Variants in DTX4 observed in about 807,000 individuals in gnomAD.
DTX4 encodes the protein deltex E3 ubiquitin ligase 4, also known as E3 ubiquitin-protein ligase DTX4.
Under a neutral mutation model 57.6 loss-of-function variants are expected in DTX4, and 28 were observed. That is an observed-to-expected ratio of 0.49 (90% confidence interval 0.36 to 0.67). The LOEUF is 0.67. Among genes scored for constraint, DTX4 ranks in the 30% least tolerant of loss-of-function variants. The pLI is 0.00. For synonymous variants in DTX4, 316 were observed against 331.0 expected (o/e 0.95, Z 0.49); for missense variants, 715 against 836.8 (o/e 0.85, Z 1.80).
At chr11:59,188,667 G>C in intron 2 of DTX4, 68 bp from the exon 3 acceptor site, 1 of 1,365,792 alleles carries the variant, frequency 7.3e-7, no homozygotes, top group Non-Finnish European at 1.0e-6. Flanking sequence ...CATTTTATTA[G>C]AATTAAATAC....
At chr11:59,203,865 G>T (rs1862769973) in intron 8 of DTX4, among the ~76,000 whole-genome samples, 1 of 152,182 alleles carries the variant, frequency 6.6e-6, no homozygotes, top group Non-Finnish European at 1.5e-5. Flanking sequence ...TCAGGAAATA[G>T]CAGCTCATAT....
chr11:59,199,883 CTG>C, intron 8 of DTX4, 110 bp downstream of exon 8: 1 of 882,980 alleles, frequency 1.1e-6, no homozygotes, highest in Non-Finnish European at 1.8e-6. Context: ...CCAAAGAGAA[CTG>C]TGTCTCTTTT....
At chr11:59,192,003 G>A in intron 5 of DTX4, 95 bp from the exon 6 acceptor site, 2 of 1,401,924 alleles carry the variant, frequency 1.4e-6, no homozygotes, top group Non-Finnish European at 1.9e-6. Flanking sequence ...TAGAAGAGAA[G>A]TGGTAAGAGC....
At chr11:59,186,569 G>A (rs1862531858) in intron 2 of DTX4, among the ~76,000 whole-genome samples, 1 of 152,178 alleles carries the variant, frequency 6.6e-6, no homozygotes, top group Admixed American at 6.5e-5. Context: ...TCAGGGCTTG[G>A]GTGGCCATTT....
At position 59,204,896 on chromosome 11, in the gene DTX4, A is replaced by G; in HGVS notation, c.1847A>G (p.Gln616Arg). ...AQGISEDSTA[Q>R]EKD Reference sequence around the variant, plus strand: ...GGCATCTCTGAGGACAGCACTGCCCAGGAGAAGGACTGAGGCCAGAAAAGC... The same window carrying G: ...GGCATCTCTGAGGACAGCACTGCCCGGGAGAAGGACTGAGGCCAGAAAAGC... Residue 616 changes from glutamine (Q) to arginine (R), a missense_variant, in exon 9 of 9, where the codon CAG becomes CGG. By Grantham distance (43) the Gln-to-Arg change is conservative. Transcript: ENST00000227451. The G allele has an allele frequency of 6.3e-7, 1 of 1,583,026 alleles. No homozygotes were observed. The highest frequency in any genetic ancestry group is 1.2e-5 in the South Asian group (1 of 86,930).
Position 59,182,291 on chromosome 11 carries a change from C to A in DTX4, c.764C>A (p.Ser255Ter). The A allele has an allele frequency of 6.2e-7, 1 of 1,612,356 alleles. No individual in the cohort carries two copies. The highest frequency in any genetic ancestry group is 8.5e-7 in the Non-Finnish European group (1 of 1,179,802). Reference protein sequence around the residue: ...TIRGPLKTAPSQVIRRQASSM... With the variant: ...TIRGPLKTAP The stretch of plus-strand genomic sequence containing the variant: ...CGAGGCCCACTGAAGACCGCCCCAT[C>A]GCAGGTGATCCGGAGACAAGCCTCC... Residue 255 changes from serine to a stop codon, truncating the protein, a stop_gained, in exon 2 of 9, where the codon TCG becomes TAG. Transcript: ENST00000227451. LOFTEE classifies it high-confidence loss of function.
At chr11:59,193,111 C>T (rs893504299) in intron 6 of DTX4, among the ~76,000 whole-genome samples, 3 of 152,028 alleles carry the variant, frequency 2.0e-5, no homozygotes, top group African/African-American at 7.3e-5. Flanking sequence ...CTGGATTATA[C>T]GTCTGTCTGG....
chr11:59,207,040 AC>A lies in DTX4; in HGVS notation c.*2132del, dbSNP rs1862820899. 1 of 152,198 alleles carries A rather than the reference AC, an allele frequency of 6.6e-6. No homozygotes were observed. Among genetic ancestry groups the A allele is most frequent in the East Asian group, 1.9e-4 (1 of 5,198 alleles). 9.4% of individuals were successfully genotyped at this position (152,198 alleles called of 1,614,324 possible). A position where few individuals can be genotyped will look rare whatever the true frequency, so the allele number is the denominator to read the frequency against. On this transcript the variant is annotated 3_prime_UTR_variant, in exon 9 of 9. Transcript: ENST00000227451. ...CATGCCCTTTGTCAGGTTACCATGT[AC>A]AGAGATTACTTGGAGAGCCTCATGC...
chr11:59,197,228 C>CT (rs550308747), intron 7 of DTX4, among the ~76,000 whole-genome samples: 43 of 152,314 alleles, frequency 2.8e-4, no homozygotes, highest in Admixed American at 1.8e-3. Context: ...GGGCTTATAT[C>CT]TGTCTGTCTG....
intron 1 of DTX4, among the ~76,000 whole-genome samples, chr11:59,174,757 C>A (rs1482622817): frequency 6.6e-6 from 1 of 152,158 alleles, no homozygotes; most frequent in Non-Finnish European, 1.5e-5. Context: ...TCACTCTTAC[C>A]TGAGGACTGC....
At chr11:59,182,487 G>C in intron 2 of DTX4, 25 bp downstream of exon 2, 1 of 1,568,306 alleles carries the variant, frequency 6.4e-7, no homozygotes, top group African/African-American at 1.4e-5. Flanking sequence ...AGCTGCCTCA[G>C]AGCATTTACT....
At chr11:59,191,268 C>A in intron 5 of DTX4, 93 bp downstream of exon 5, 1 of 1,309,310 alleles carries the variant, frequency 7.6e-7, no homozygotes, top group Non-Finnish European at 1.1e-6. Flanking sequence ...ATGGCGGGGG[C>A]TGCATTCCAA....
At chr11:59,174,496 TC>T (rs932781398) in intron 1 of DTX4, among the ~76,000 whole-genome samples, 1 of 56,452 alleles carries the variant, frequency 1.8e-5, no homozygotes, top group Non-Finnish European at 3.0e-5. Context: ...GGGATTCCAG[TC>T]CTGGAAAAAA....
At chr11:59,189,098 G>A in intron 3 of DTX4, 64 bp from the exon 4 acceptor site, 4 of 1,584,156 alleles carry the variant, frequency 2.5e-6, no homozygotes, top group Non-Finnish European at 3.5e-6. Flanking sequence ...GGGGAAAGAG[G>A]AATTTGGGGA....
At chr11:59,187,337 G>A (rs1336287445) in intron 2 of DTX4, among the ~76,000 whole-genome samples, 3 of 152,156 alleles carry the variant, frequency 2.0e-5, no homozygotes, top group African/African-American at 7.2e-5. Context: ...GTTAATGACT[G>A]CACCTCTTGC....
intron 2 of DTX4, among the ~76,000 whole-genome samples, chr11:59,185,047 G>A (rs1302221866): frequency 1.3e-5 from 2 of 152,196 alleles, no homozygotes; most frequent in Admixed American, 6.5e-5. Flanking sequence ...CAGGGAGGGC[G>A]GGAGGAGTGG....
intron 2 of DTX4, among the ~76,000 whole-genome samples, chr11:59,183,310 A>G (rs939408652): frequency 6.6e-6 from 1 of 152,138 alleles, no homozygotes; most frequent in African/African-American, 2.4e-5. Flanking sequence ...ATACCGGCCT[A>G]TTTTTAGTGA....
chr11:59,193,222 G>A (rs1165613181), intron 6 of DTX4, among the ~76,000 whole-genome samples: 1 of 152,150 alleles, frequency 6.6e-6, no homozygotes, highest in African/African-American at 2.4e-5. Flanking sequence ...CCTTGGACAA[G>A]GTTTTCCAAT....
At chr11:59,187,641 G>A (rs1862544448) in intron 2 of DTX4, among the ~76,000 whole-genome samples, 1 of 152,196 alleles carries the variant, frequency 6.6e-6, no homozygotes, top group South Asian at 2.1e-4. Context: ...CAGGCTGTCT[G>A]CCTCCTGGAG....
Sources: gnomAD v4.1 joint callset for allele counts (sites outside exome capture counted in the v4.1 genomes callset) on GRCh38, gnomAD v4.1.1 for gene constraint, MANE v1.5 for transcripts, NCBI Gene and HGNC (gene_info 2026-07-23, HGNC 2026-07-21) for gene names.